The following DPP6 variants were observed in gnomAD, a reference collection of about 807,000 sequenced individuals.
DPP6 encodes A-type potassium channel modulatory protein DPP6.
Under a neutral mutation model 122.6 loss-of-function variants are expected in DPP6, and 69 were observed. The observed-to-expected ratio is 0.56, with a 90% CI of 0.46 to 0.69. DPP6 has a LOEUF of 0.69. Among genes scored for constraint, DPP6 ranks in the 30% least tolerant of loss-of-function variants. DPP6 has a pLI of 0.00. For synonymous variants in DPP6, 418 were observed against 433.1 expected (o/e 0.97, Z 0.43); for missense variants, 928 against 1,116.9 (o/e 0.83, Z 2.41).
chr7:153,931,381 G>C (rs1421255304), intron 1 of DPP6, among the ~76,000 whole-genome samples: 4 of 152,130 alleles, frequency 2.6e-5, no homozygotes, highest in Non-Finnish European at 4.4e-5. Flanking sequence ...GACAGTCTTA[G>C]CACTAAGGCA....
intron 1 of DPP6, among the ~76,000 whole-genome samples, chr7:154,359,732 G>A (rs992803495): frequency 6.6e-6 from 1 of 152,174 alleles, no homozygotes; most frequent in Admixed American, 6.5e-5. Flanking sequence ...ACTAATAGAT[G>A]GGTGAGCATG....
intron 7 of DPP6, among the ~76,000 whole-genome samples, chr7:154,684,311 C>T (rs542680483): frequency 6.6e-6 from 1 of 152,128 alleles, no homozygotes; most frequent in East Asian, 1.9e-4. Flanking sequence ...TGACCTGTTT[C>T]CTTGTTATTC....
intron 16 of DPP6, among the ~76,000 whole-genome samples, chr7:154,818,898 A>G (rs1587238807): frequency 6.6e-6 from 1 of 152,240 alleles, no homozygotes; most frequent in East Asian, 1.9e-4. Flanking sequence ...ACTCTGGAAC[A>G]TGTCACACTC....
the DPP6 span, among the ~76,000 whole-genome samples, chr7:153,864,373 G>A: frequency 6.6e-6 from 1 of 152,056 alleles, no homozygotes; most frequent in African/African-American, 2.4e-5. Flanking sequence ...ATATGCTTGG[G>A]GCCGGGCGTG....
At chr7:154,583,578 C>T (rs1832228987) in intron 5 of DPP6, among the ~76,000 whole-genome samples, 3 of 152,286 alleles carry the variant, frequency 2.0e-5, no homozygotes, top group African/African-American at 2.4e-5. Flanking sequence ...ACCCAAAACG[C>T]GATACACTGA....
intron 1 of DPP6, among the ~76,000 whole-genome samples, chr7:154,259,860 C>G (rs559598528): frequency 6.6e-6 from 1 of 152,234 alleles, no homozygotes; most frequent in Non-Finnish European, 1.5e-5. Flanking sequence ...AAGCATCTAC[C>G]GTAAGGAGTG....
chr7:154,021,963 G>A (rs905553005), intron 1 of DPP6, among the ~76,000 whole-genome samples: 5 of 152,268 alleles, frequency 3.3e-5, no homozygotes, highest in East Asian at 3.9e-4. Context: ...CCCATTGGCC[G>A]GTCAAGTTGA....
rs775016101 is a variant in DPP6 at position 154,893,451 on chromosome 7, T to TAAAAAAAAAA, written c.*971_*972insAAAAAAAAAA. 26 of 61,330 alleles carry TAAAAAAAAAA rather than the reference T, an allele frequency of 4.2e-4. 4 individuals carry two copies. The highest frequency in any genetic ancestry group is 1.2e-3 in the African/African-American group (24 of 19,888). The allele number at this position is 61,330 out of a possible 1,614,324, so 3.8% of individuals were successfully genotyped here. A position where few individuals can be genotyped will look rare whatever the true frequency, so the allele number is the denominator to read the frequency against. ...CAAGCTCTTTCCCATGACATTTGGTTTAAAAAAAAAAAAAAAAAAAAAAAA... is the reference window on the plus strand; with the variant it reads ...CAAGCTCTTTCCCATGACATTTGGTTAAAAAAAAAATAAAAAAAAAAAAAAAAAAAAAAAA... On this transcript the variant is annotated 3_prime_UTR_variant, in exon 26 of 26. Coordinates refer to ENST00000377770, the MANE Select transcript of DPP6 (RefSeq NM_130797.4).
chr7:153,887,535 G>T (rs1798983506), exon 1 of DPP6: 1 of 855,788 alleles, frequency 1.2e-6, no homozygotes, highest in African/African-American at 1.7e-5. Flanking sequence ...GCGGAGGTGA[G>T]AAAACTGAAG....
chr7:153,904,662 C>A (rs150810590), intron 1 of DPP6, among the ~76,000 whole-genome samples: 2,750 of 152,294 alleles, frequency 0.018, 34 homozygotes, highest in Middle Eastern at 0.044. Flanking sequence ...CACTGAGACA[C>A]CTCAGTGAAT....
At chr7:154,426,430 A>G (rs117551310) in intron 1 of DPP6, among the ~76,000 whole-genome samples, 142 of 152,276 alleles carry the variant, frequency 9.3e-4, no homozygotes, top group Middle Eastern at 6.8e-3. Context: ...TTGGTGAGCT[A>G]TGGTAATGAA....
At chr7:153,825,516 T>C in the DPP6 span, among the ~76,000 whole-genome samples, 2 of 151,934 alleles carry the variant, frequency 1.3e-5, no homozygotes, top group African/African-American at 4.8e-5. Context: ...CAGTGCCCCT[T>C]AGGGACATGC....
At chr7:154,518,479 A>G (rs1826713533) in intron 3 of DPP6, among the ~76,000 whole-genome samples, 1 of 152,218 alleles carries the variant, frequency 6.6e-6, no homozygotes, top group African/African-American at 2.4e-5. Context: ...ACCAGTGTCC[A>G]TGCCCAGGTG....
At chr7:154,082,103 C>T (rs140891578) in intron 1 of DPP6, among the ~76,000 whole-genome samples, 64 of 152,290 alleles carry the variant, frequency 4.2e-4, no homozygotes, top group Middle Eastern at 3.4e-3. Flanking sequence ...ACAGGGGCAG[C>T]GGGTTCCATC....
chr7:154,313,235 A>G (rs1236701000), intron 1 of DPP6, among the ~76,000 whole-genome samples: 1 of 152,184 alleles, frequency 6.6e-6, no homozygotes, highest in Non-Finnish European at 1.5e-5. Flanking sequence ...GGAACAGCTC[A>G]AGGTCAGGAG....
chr7:154,022,245 ACT>A (rs1798739658), intron 1 of DPP6, among the ~76,000 whole-genome samples: 1 of 152,078 alleles, frequency 6.6e-6, no homozygotes, highest in Admixed American at 6.5e-5. Context: ...TTGTCACCAG[ACT>A]CTTTCTTAAC....
At chr7:154,873,898 C>A (rs547535586) in intron 19 of DPP6, among the ~76,000 whole-genome samples, 1 of 145,960 alleles carries the variant, frequency 6.9e-6, no homozygotes, top group South Asian at 2.2e-4. Flanking sequence ...ACACACGCAC[C>A]CACACACATA....
intron 1 of DPP6, among the ~76,000 whole-genome samples, chr7:154,425,356 A>G (rs1230878728): frequency 2.0e-5 from 3 of 152,228 alleles, no homozygotes; most frequent in African/African-American, 7.2e-5. Context: ...ATATCGAAGC[A>G]TAACTAAGGT....
At position 154,678,445 on chromosome 7, in the gene DPP6, A is replaced by G. The variant is rs143467083; in HGVS notation, c.762+9004A>G. Among the ~76,000 whole-genome samples the G allele has an allele frequency of 4.0e-3, 602 of 152,216 alleles. 7 individuals carry two copies. Among genetic ancestry groups the G allele is most frequent in the African/African-American group, 0.014 (567 of 41,522 alleles). ...AAACAACTCTGGGCGCGCCACCTTT[A>G]AGAGCTGTGACACTCACTGCGAAGG... On this transcript the variant is annotated intron_variant, in intron 7 of 25. Transcript: ENST00000377770.
Sources: allele counts gnomAD v4.1 joint callset (sites outside exome capture counted in the v4.1 genomes callset), GRCh38; gene constraint gnomAD v4.1.1; transcripts MANE v1.5; gene names NCBI Gene and HGNC (gene_info 2026-07-23, HGNC 2026-07-21).